Variants in CCDC174 observed in about 807,000 individuals in gnomAD.
CCDC174 encodes the protein coiled-coil domain containing 174, also known as coiled-coil domain-containing protein 174.
A neutral mutation model predicts 57.1 loss-of-function variants in CCDC174; 37 were observed. That is an observed-to-expected ratio of 0.65 (90% CI 0.50 to 0.85). The LOEUF (loss-of-function observed/expected upper bound fraction) is 0.85, where lower values mean the gene tolerates loss of function less well. Ranked by LOEUF, CCDC174 falls within the 40% of genes least tolerant of loss-of-function variation. The probability of loss-of-function intolerance (pLI) is 0.00; values close to 1 mark genes in which losing one functional copy is unlikely to be tolerated. For missense variants in CCDC174, 540 were observed against 574.3 expected (o/e 0.94, Z 0.61); for synonymous variants, 182 against 190.2 (o/e 0.96, Z 0.35).
rs1179414295 is a variant in CCDC174, at chr3:14,667,430, G to A, written c.731G>A (p.Arg244Gln). 2.5e-6 allele frequency: 4 copies of A among 1,613,630 alleles called. No individual in the cohort carries two copies. The highest frequency in any genetic ancestry group is 3.4e-6 in the Non-Finnish European group (4 of 1,179,778). Residue 244 changes from arginine to glutamine, a missense_variant, in exon 8 of 11, where the codon CGG becomes CAG. By Grantham distance (43) the Arg-to-Gln change is conservative. Coordinates refer to ENST00000383794, the MANE Select transcript of CCDC174 (RefSeq NM_016474.5). Reference sequence around the variant, plus strand: ...TAATTCATACTTCTTTCAGAGGCCCGGCAACTTGGTGTTGGGTATTTTGCC... The same window carrying A: ...TAATTCATACTTCTTTCAGAGGCCCAGCAACTTGGTGTTGGGTATTTTGCC... ...HYEDIRENEARQLGVGYFAFA... is the reference protein window; with the variant it reads ...HYEDIRENEAQQLGVGYFAFA...
intron 4 of CCDC174, 80 bp from the exon 5 acceptor site, chr3:14,661,450 G>A: frequency 8.2e-7 from 1 of 1,217,672 alleles, no homozygotes; most frequent in Non-Finnish European, 1.2e-6. Context: ...GGGCCACCAG[G>A]CAATGAATGT....
chr3:14,667,513 GA>G lies in CCDC174; in HGVS notation c.816del (p.Glu272AspfsTer13). 6.2e-7 allele frequency: 1 copy of G among 1,612,638 alleles called. No individual in the cohort carries two copies. Among genetic ancestry groups the G allele is most frequent in the Non-Finnish European group, 8.5e-7 (1 of 1,178,754 alleles). On this transcript the variant is annotated frameshift_variant, in exon 8 of 11. Transcript: ENST00000383794. LOFTEE classifies it high-confidence loss of function. The stretch of plus-strand genomic sequence containing the variant: ...GATGAAAACCTTAGAGATGCTGCGT[GA>G]ACAGGTACAGATAAATCCCAAGTGA... ...KQMKTLEMLR[E>X]QTTDQRTKRE...
At chr3:14,658,767 C>T (rs935992895) in intron 3 of CCDC174, 104 bp from the exon 4 acceptor site, 7 of 1,253,658 alleles carry the variant, frequency 5.6e-6, no homozygotes, top group East Asian at 2.8e-5. Flanking sequence ...TCTTGACAGG[C>T]TGGGCCTCAT....
rs148295676 is a variant in CCDC174 at position 14,665,096 on chromosome 3, A to G, written c.554A>G (p.Glu185Gly). 218 of 1,613,858 alleles carry G rather than the reference A, an allele frequency of 1.4e-4. No homozygotes were observed. Among genetic ancestry groups the G allele is most frequent in the Non-Finnish European group, 1.7e-4 (198 of 1,179,832 alleles). ...AGAAAGGATTTGCCAGATCTGCTGG[A>G]GATGGATAAAAATCTTCAGGGGAGA... ...CMRKDLPDLL[E>G]MDKNLQGRLF... is the part of the protein sequence containing the mutation. Residue 185 changes from glutamate to glycine, a missense_variant, in exon 6 of 11, where the codon GAG becomes GGG. By Grantham distance (98) the Glu-to-Gly change is moderately conservative. Transcript: ENST00000383794.
intron 2 of CCDC174, 27 bp downstream of exon 2, chr3:14,654,557 A>C: frequency 2.0e-5 from 22 of 1,097,920 alleles, no homozygotes; most frequent in Non-Finnish European, 2.9e-5. Flanking sequence ...AATTATCTCC[A>C]TTGGTTCCAA....
chr3:14,661,571 A>T lies in CCDC174; in HGVS notation c.349A>T (p.Lys117Ter). The change falls in exon 5 of 11, where the codon AAG becomes TAG. Residue 117 changes from lysine to a stop codon, truncating the protein, a stop_gained. Transcript: ENST00000383794. LOFTEE classifies it high-confidence loss of function. ...EDMYLVDFTQ[K>*]IIDKRKEMEA... is the part of the protein sequence containing the mutation. ...TATGTACCTTGTGGATTTCACACAG[A>T]AGATCATAGACAAGCGCAAAGAAAT... 6.2e-7 allele frequency: 1 copy of T among 1,614,106 alleles called. No individual in the cohort carries two copies. Among genetic ancestry groups the T allele is most frequent in the African/African-American group, 1.3e-5 (1 of 75,054 alleles).
intron 6 of CCDC174, among the ~76,000 whole-genome samples, chr3:14,665,741 A>T (rs1355551954): frequency 6.6e-6 from 1 of 152,096 alleles, no homozygotes; most frequent in Non-Finnish European, 1.5e-5. Flanking sequence ...TAAGAAAGGG[A>T]GAATGGAGGC....
rs2030929292 is a variant in CCDC174, at chr3:14,655,567, A to G, written c.186A>G (p.Ser62=). ...GGAGCAAACAGAATGTAGGCGTTTC[A>G]AATCGAGCTGAGAAGGATGCTGAAC... ...SIWSKQNVGV[S]NRAEKDAEQK... is the part of the protein sequence containing the mutation. Residue 62 remains serine, a synonymous_variant, in exon 3 of 11, where the codon TCA becomes TCG. Coordinates refer to ENST00000383794, the MANE Select transcript of CCDC174 (RefSeq NM_016474.5). 6.2e-7 allele frequency: 1 copy of G among 1,611,204 alleles called. No homozygotes were observed. Among genetic ancestry groups the G allele is most frequent in the Non-Finnish European group, 8.5e-7 (1 of 1,178,486 alleles).
intron 6 of CCDC174, 97 bp downstream of exon 6, chr3:14,665,220 G>A: frequency 1.2e-6 from 1 of 849,096 alleles, no homozygotes; most frequent in South Asian, 1.4e-5. Flanking sequence ...AATGATCTCT[G>A]TTGCTCCAGT....
In CCDC174 at chr3:14,656,075, A is replaced by G. The variant is rs192062613; in HGVS notation, c.248+446A>G. 2.3e-4 allele frequency among the ~76,000 whole-genome samples: 35 copies of G among 152,228 alleles called. No individual in the cohort carries two copies. In the East Asian group the frequency reaches 3.7e-3, roughly 16 times the overall value. Reference sequence around the variant, plus strand: ...CCCTCTCTCTCTCTTACACACACACACGCGTGTGTAGAGAGACTTTAAGCT... The same window carrying G: ...CCCTCTCTCTCTCTTACACACACACGCGCGTGTGTAGAGAGACTTTAAGCT... On this transcript the variant is annotated intron_variant, in intron 3 of 10. Coordinates refer to ENST00000383794, the MANE Select transcript of CCDC174 (RefSeq NM_016474.5).
intron 2 of CCDC174, 81 bp from the exon 3 acceptor site, chr3:14,655,448 G>GTTT: frequency 2.3e-5 from 16 of 681,682 alleles, no homozygotes; most frequent in African/African-American, 7.6e-5. Flanking sequence ...GATCTCCTTT[G>GTTT]TTTTTTTTTT....
chr3:14,664,346 G>A (rs542699778), intron 5 of CCDC174, among the ~76,000 whole-genome samples: 8 of 152,270 alleles, frequency 5.3e-5, no homozygotes, highest in East Asian at 1.9e-4. Context: ...TATCTGTTGC[G>A]TCATAATACA....
intron 9 of CCDC174, 70 bp from the exon 10 acceptor site, chr3:14,669,864 C>T: frequency 6.7e-7 from 1 of 1,484,522 alleles, no homozygotes; most frequent in Non-Finnish European, 9.3e-7. Flanking sequence ...TCAGGATTAG[C>T]ATGTTCTGTA....
At chr3:14,665,509 C>G (rs2031285819) in intron 6 of CCDC174, among the ~76,000 whole-genome samples, 1 of 152,294 alleles carries the variant, frequency 6.6e-6, no homozygotes, top group Non-Finnish European at 1.5e-5. Flanking sequence ...CTTTATGTAT[C>G]ATTGCATTTT....
intron 10 of CCDC174, 142 bp downstream of exon 10, chr3:14,670,228 C>A: frequency 2.6e-6 from 2 of 774,148 alleles, no homozygotes; most frequent in Non-Finnish European, 4.1e-6. Context: ...TCAGGACCTG[C>A]CTTTAAAGTA....
rs758578208 is a variant in CCDC174, at chr3:14,665,009, C to T, written c.486-19C>T. The T allele has an allele frequency of 6.3e-7, 1 of 1,592,506 alleles. No individual in the cohort carries two copies. Among genetic ancestry groups the T allele is most frequent in the Non-Finnish European group, 8.6e-7 (1 of 1,160,398 alleles). ...CATGTGTACAAGTCCTTCTTCACAT[C>T]TTTTTGCTTTCATTTCAGGGTGGAT... On this transcript the variant is annotated intron_variant, in intron 5 of 10. Transcript: ENST00000383794.
In CCDC174 at chr3:14,668,070, C is replaced by T. The variant is rs776693790; in HGVS notation, c.841C>T (p.Arg281Ter). ...REQTTDQRTK[R>*]ENIKEKRKAI... is the part of the protein sequence containing the mutation. ...TCAGACAACAGATCAGAGAACAAAA[C>T]GAGAAAACATAAAGGAAAAGCGAAA... The change falls in exon 9 of 11, where the codon CGA (arginine) becomes TGA (stop). Residue 281 changes from arginine to a stop codon, truncating the protein, a stop_gained. Coordinates refer to ENST00000383794, the MANE Select transcript of CCDC174 (RefSeq NM_016474.5). LOFTEE classifies it high-confidence loss of function. 16 of 1,587,854 alleles carry T rather than the reference C, an allele frequency of 1.0e-5. No individual in the cohort carries two copies. The highest frequency in any genetic ancestry group is 7.0e-5 in the South Asian group (6 of 85,956).
In CCDC174 at chr3:14,655,540, C is replaced by G; in HGVS notation, c.159C>G (p.Ile53Met). The G allele has an allele frequency of 6.2e-7, 1 of 1,604,788 alleles. No individual in the cohort carries two copies. The highest frequency in any genetic ancestry group is 1.3e-5 in the African/African-American group (1 of 74,252). The change falls in exon 3 of 11, where the codon ATC becomes ATG. Residue 53 changes from isoleucine (I) to methionine (M), a missense_variant. Coordinates refer to ENST00000383794, the MANE Select transcript of CCDC174 (RefSeq NM_016474.5). The stretch of plus-strand genomic sequence containing the variant: ...AAATTATTCTCCAGAAACCAAGTAT[C>G]TGGAGCAAACAGAATGTAGGCGTTT... ...KPKTTNKKPSIWSKQNVGVSN... is the reference protein window; with the variant it reads ...KPKTTNKKPSMWSKQNVGVSN...
At chr3:14,670,833 G>A in intron 10 of CCDC174, 63 bp from the exon 11 acceptor site, 1 of 1,330,064 alleles carries the variant, frequency 7.5e-7, no homozygotes, top group Non-Finnish European at 1.0e-6. Context: ...TTAGATAATA[G>A]TAACAATAAA....
Sources: allele counts gnomAD v4.1 joint callset (sites outside exome capture counted in the v4.1 genomes callset), GRCh38; gene constraint gnomAD v4.1.1; transcripts MANE v1.5; gene names NCBI Gene and HGNC (gene_info 2026-07-23, HGNC 2026-07-21).